Variants in CHRNA7 observed in about 807,000 individuals in gnomAD.
The protein encoded by CHRNA7 is cholinergic receptor nicotinic alpha 7 subunit, also known as neuronal acetylcholine receptor subunit alpha-7.
Under a neutral mutation model 48.0 loss-of-function variants are expected in CHRNA7, and 17 were observed. The observed-to-expected ratio is 0.35, with a 90% CI of 0.24 to 0.53. The LOEUF (loss-of-function observed/expected upper bound fraction) is 0.53. Among genes scored for constraint, CHRNA7 ranks in the 20% least tolerant of loss-of-function variants. CHRNA7 has a pLI of 0.92. For synonymous variants in CHRNA7, 75 were observed against 242.3 expected, an observed-to-expected ratio of 0.31 and a Z score of 6.41; for missense variants, 155 against 577.7, an observed-to-expected ratio of 0.27 and a Z score of 7.50.
intron 2 of CHRNA7, among the ~76,000 whole-genome samples, chr15:32,036,928 A>G (rs1199348761): frequency 6.6e-6 from 1 of 152,044 alleles, no homozygotes; most frequent in Non-Finnish European, 1.5e-5. Context: ...ATACATTTTT[A>G]ACTTTAGTGA....
intron 4 of CHRNA7, among the ~76,000 whole-genome samples, chr15:32,115,444 C>T (rs1475002051): frequency 6.6e-6 from 1 of 152,078 alleles, no homozygotes. Flanking sequence ...GCTTCCCCTT[C>T]CTGCCTGGAC....
At chr15:32,113,615 G>A (rs1279566996) in intron 4 of CHRNA7, among the ~76,000 whole-genome samples, 2 of 152,134 alleles carry the variant, frequency 1.3e-5, no homozygotes, top group Non-Finnish European at 2.9e-5. Context: ...GGATCGCTCT[G>A]TGGATGTGTG....
At chr15:32,118,241 A>G (rs1338106514) in intron 4 of CHRNA7, among the ~76,000 whole-genome samples, 3 of 152,200 alleles carry the variant, frequency 2.0e-5, no homozygotes, top group South Asian at 4.1e-4. Context: ...CCCTCACCAG[A>G]TGCAGCTCCT....
At chr15:32,043,597 G>A (rs763071043) in intron 2 of CHRNA7, among the ~76,000 whole-genome samples, 22 of 152,160 alleles carry the variant, frequency 1.4e-4, no homozygotes, top group East Asian at 3.9e-4. Flanking sequence ...AGTGAAAGTC[G>A]TCAACCTTTC....
At chr15:32,101,556 T>C in intron 3 of CHRNA7, 1 of 563,480 alleles carries the variant, frequency 1.8e-6, no homozygotes, top group East Asian at 3.1e-5. Context: ...GCTCAACACA[T>C]GCACAAGATC....
intron 4 of CHRNA7, among the ~76,000 whole-genome samples, chr15:32,123,754 CCT>C (rs2051014822): frequency 6.6e-6 from 1 of 152,074 alleles, no homozygotes; most frequent in Non-Finnish European, 1.5e-5. Flanking sequence ...CTTCCTCTCC[CCT>C]CTCTCTCCGC....
intron 4 of CHRNA7, among the ~76,000 whole-genome samples, chr15:32,138,292 C>CA (rs2051308831): frequency 1.3e-5 from 2 of 151,910 alleles, no homozygotes; most frequent in African/African-American, 4.8e-5. Flanking sequence ...AATTTTATGC[C>CA]AAAATTTTGG....
intron 4 of CHRNA7, among the ~76,000 whole-genome samples, chr15:32,121,216 G>A (rs1032210882): frequency 2.0e-5 from 3 of 152,200 alleles, no homozygotes; most frequent in Non-Finnish European, 1.5e-5. Flanking sequence ...CCACATGGTC[G>A]GTGGAGCTGA....
chr15:32,155,986 TGAGA>T (rs1259272850), intron 5 of CHRNA7: 3 of 85,512 alleles, frequency 3.5e-5, no homozygotes, highest in South Asian at 3.9e-4. Context: ...ACAGCTTTAT[TGAGA>T]GAGAATTTAC....
intron 2 of CHRNA7, among the ~76,000 whole-genome samples, chr15:32,044,980 A>G (rs987998951): frequency 2.0e-5 from 3 of 152,192 alleles, no homozygotes; most frequent in Non-Finnish European, 2.9e-5. Context: ...CATATATTCA[A>G]TATTCAGTCC....
chr15:32,114,089 TACACACAC>T (rs1287180293), intron 4 of CHRNA7, among the ~76,000 whole-genome samples: 1 of 137,214 alleles, frequency 7.3e-6, no homozygotes, highest in African/African-American at 2.7e-5. Context: ...CATACATACA[TACACACAC>T]ACATATACAC....
intron 4 of CHRNA7, among the ~76,000 whole-genome samples, chr15:32,122,107 T>C (rs879752689): frequency 7.2e-5 from 11 of 152,186 alleles, no homozygotes; most frequent in Admixed American, 5.2e-4. Flanking sequence ...AGCAACCAAG[T>C]TCTATTCACA....
intron 2 of CHRNA7, among the ~76,000 whole-genome samples, chr15:32,032,894 A>G (rs1319558776): frequency 6.6e-6 from 1 of 152,242 alleles, no homozygotes; most frequent in Non-Finnish European, 1.5e-5. Flanking sequence ...AGAGACTCTT[A>G]AGAAACCAAG....
chr15:32,140,837 G>T (rs910187592), intron 4 of CHRNA7, among the ~76,000 whole-genome samples: 4 of 152,118 alleles, frequency 2.6e-5, no homozygotes, highest in Non-Finnish European at 5.9e-5. Flanking sequence ...TGTCAGATGG[G>T]TAGATTGCAA....
At chr15:32,050,184 T>C (rs943315426) in intron 2 of CHRNA7, among the ~76,000 whole-genome samples, 2 of 152,232 alleles carry the variant, frequency 1.3e-5, no homozygotes, top group African/African-American at 4.8e-5. Flanking sequence ...TGAATGTGAA[T>C]GTTGGCCTGC....
chr15:32,065,491 T>G (rs1248409595), intron 2 of CHRNA7, among the ~76,000 whole-genome samples: 1 of 152,232 alleles, frequency 6.6e-6, no homozygotes, highest in Non-Finnish European at 1.5e-5. Flanking sequence ...TGGGGCTGCC[T>G]GAGGCAGTGG....
In CHRNA7 at chr15:32,101,451, G is replaced by GA. The variant is rs112499091; in HGVS notation, c.240+112dup. ...CTTGCTTCTGAGAGGTCCTGTTTAG[G>GA]AAAAAAAACCAAAAAAACAAAAGGC... On this transcript the variant is annotated intron_variant, in intron 3 of 9. Coordinates refer to ENST00000306901, the MANE Select transcript of CHRNA7 (RefSeq NM_000746.6). The GA allele has an allele frequency of 5.9e-3, 6,222 of 1,062,706 alleles. 1 individual carries two copies. Among genetic ancestry groups the GA allele is most frequent in the South Asian group, 7.1e-3 (380 of 53,754 alleles). The allele number at this position is 1,062,706 out of a possible 1,614,324, so 65.8% of individuals were successfully genotyped here. A position where few individuals can be genotyped will look rare whatever the true frequency, so the allele number is the denominator to read the frequency against.
At chr15:32,128,105 T>C (rs2051098802) in intron 4 of CHRNA7, among the ~76,000 whole-genome samples, 1 of 151,980 alleles carries the variant, frequency 6.6e-6, no homozygotes. Flanking sequence ...AAAAAATCAG[T>C]TGGGTATATT....
chr15:32,062,973 G>C (rs1281755099), intron 2 of CHRNA7, among the ~76,000 whole-genome samples: 1 of 152,146 alleles, frequency 6.6e-6, no homozygotes, highest in African/African-American at 2.4e-5. Context: ...GTACAGCATG[G>C]TGCTTTACTG....
Sources: gnomAD v4.1 joint callset for allele counts (sites outside exome capture counted in the v4.1 genomes callset) on GRCh38, gnomAD v4.1.1 for gene constraint, MANE v1.5 for transcripts, NCBI Gene and HGNC (gene_info 2026-07-23, HGNC 2026-07-21) for gene names.